The following TXNRD2 variants were observed in gnomAD, a reference collection of about 807,000 sequenced individuals.
The protein encoded by TXNRD2 is thioredoxin reductase 2.
Under a neutral mutation model 70.8 loss-of-function variants are expected in TXNRD2, and 67 were observed. The observed-to-expected ratio is 0.95, with a 90% CI of 0.78 to 1.16. The LOEUF (loss-of-function observed/expected upper bound fraction) is 1.16, where lower values mean the gene tolerates loss of function less well. Ranked by LOEUF, TXNRD2 falls within the 50% of genes most tolerant of loss-of-function variation. TXNRD2 has a pLI of 0.00. For synonymous variants in TXNRD2, 301 were observed against 295.8 expected (o/e 1.02, Z -0.18); for missense variants, 644 against 719.9 (o/e 0.89, Z 1.21).
chr22:19,921,115 A>AAAG (rs1392134353), intron 2 of TXNRD2, among the ~76,000 whole-genome samples: 1 of 141,962 alleles, frequency 7.0e-6, no homozygotes, highest in African/African-American at 3.1e-5. Context: ...TCAAAAAAAA[A>AAAG]AAAAAAAAGC....
chr22:19,934,432 C>T (rs930982664), intron 1 of TXNRD2, among the ~76,000 whole-genome samples: 2 of 150,430 alleles, frequency 1.3e-5, no homozygotes, highest in African/African-American at 4.9e-5. Flanking sequence ...CAGTGGCTCA[C>T]ACCTGTGTTG....
chr22:19,916,322 C>T (rs955202804), intron 5 of TXNRD2: 5 of 171,554 alleles, frequency 2.9e-5, no homozygotes, highest in East Asian at 3.4e-4. Context: ...AAATGACCCA[C>T]GCTTTCTTTT....
intron 14 of TXNRD2, 137 bp downstream of exon 14, chr22:19,880,042 C>T (rs1938691210): frequency 1.1e-6 from 1 of 913,330 alleles, no homozygotes; most frequent in Non-Finnish European, 1.7e-6. Context: ...CGTGTCCCTT[C>T]CCGCTACACA....
chr22:19,884,823 G>A (rs1372748341), intron 11 of TXNRD2, among the ~76,000 whole-genome samples: 1 of 152,216 alleles, frequency 6.6e-6, no homozygotes, highest in Non-Finnish European at 1.5e-5. Flanking sequence ...TAGAGGGCCA[G>A]GTGAGCAGAG....
rs781473800 is a variant in TXNRD2, at chr22:19,931,099, C to T, written c.104-1G>A. 1.9e-6 allele frequency: 3 copies of T among 1,613,212 alleles called. No individual in the cohort carries two copies. The highest frequency in any genetic ancestry group is 2.5e-6 in the Non-Finnish European group (3 of 1,179,964). ...AGGAGATCATAGTCCCGCTGACCTG[C>T]TGAGAGAAGGGATGAGAGGTGGGAC... On this transcript the variant is annotated splice_acceptor_variant, in intron 1 of 17. Transcript: ENST00000400521. LOFTEE classifies it high-confidence loss of function.
intron 1 of TXNRD2, among the ~76,000 whole-genome samples, chr22:19,940,545 G>T (rs544148153): frequency 1.3e-5 from 2 of 152,258 alleles, no homozygotes; most frequent in African/African-American, 4.8e-5. Flanking sequence ...TGCCGTGTCT[G>T]GACTGTGAGT....
In TXNRD2 at chr22:19,878,165, G is replaced by A. The variant is rs1426993648; in HGVS notation, c.1370C>T (p.Pro457Leu). ...YVKMVCLREPPQLVLGLHFLG... is the reference protein window; with the variant it reads ...YVKMVCLREPLQLVLGLHFLG... ...GAAATGCAGGCCCAGCACCAGCTGT[G>A]GGGGCTCCCTCAGGCACACCATCTG... The change falls in exon 16 of 18, where the codon CCA becomes CTA. Residue 457 changes from proline to leucine, a missense_variant. This residue lies in a region of TXNRD2 where 566 missense variants were observed against 645.0 expected (regional missense o/e 0.88). Coordinates refer to ENST00000400521, the MANE Select transcript of TXNRD2 (RefSeq NM_006440.5). 1 of 1,613,116 alleles carries A rather than the reference G, an allele frequency of 6.2e-7. No individual in the cohort carries two copies. The highest frequency in any genetic ancestry group is 2.2e-5 in the East Asian group (1 of 44,894).
At chr22:19,886,684 G>A (rs1939047736) in intron 11 of TXNRD2, among the ~76,000 whole-genome samples, 1 of 152,258 alleles carries the variant, frequency 6.6e-6, no homozygotes, top group Non-Finnish European at 1.5e-5. Context: ...TGCATGTTGT[G>A]CTCAGAGCTT....
intron 11 of TXNRD2, among the ~76,000 whole-genome samples, chr22:19,886,153 A>G (rs1435985420): frequency 1.3e-5 from 2 of 152,220 alleles, no homozygotes; most frequent in African/African-American, 4.8e-5. Context: ...GGCCTGTGGC[A>G]GGCAGCAGGC....
chr22:19,878,414 T>C lies in TXNRD2; in HGVS notation c.1299A>G (p.Pro433=). The change falls in exon 15 of 18, where the codon CCA becomes CCG. Residue 433 remains proline (P), a synonymous_variant. Coordinates refer to ENST00000400521, the MANE Select transcript of TXNRD2 (RefSeq NM_006440.5). ...CTCGTCCAGCCACCGTGAACTCCAG[T>C]GGTTTATAATGGGCGTGATAGACCT... The part of the protein sequence containing the change: ...HVEVYHAHYK[P]LEFTVAGRDA... 6.2e-7 allele frequency: 1 copy of C among 1,613,444 alleles called. No homozygotes were observed. Among genetic ancestry groups the C allele is most frequent in the South Asian group, 1.1e-5 (1 of 91,054 alleles).
At chr22:19,905,592 C>G (rs1601426638) in intron 8 of TXNRD2, among the ~76,000 whole-genome samples, 1 of 152,154 alleles carries the variant, frequency 6.6e-6, no homozygotes, top group African/African-American at 2.4e-5. Flanking sequence ...GCTGCAGTGA[C>G]CGTCACCGAA....
chr22:19,904,799 G>C (rs737863), intron 8 of TXNRD2, among the ~76,000 whole-genome samples: 35,797 of 152,074 alleles, frequency 0.24, 5,980 homozygotes, highest in African/African-American at 0.47. Flanking sequence ...GCCAGGCACC[G>C]TGAGTTGCGC....
At chr22:19,918,064 T>G in intron 5 of TXNRD2, 79 bp downstream of exon 5, 1 of 1,231,288 alleles carries the variant, frequency 8.1e-7, no homozygotes, top group Non-Finnish European at 1.2e-6. Context: ...CTCTGCACAG[T>G]AAGTAAGTGT....
At position 19,895,493 on chromosome 22, in the gene TXNRD2, G is replaced by A; in HGVS notation, c.863C>T (p.Pro288Leu). ...GCAPSRVRRL[P>L]DGQLQVTWED... ...CCAGGTGACCTGCAGCTGGCCATCA[G>A]GGAGCCTCCTGACCCGCGAGGGGGC... is the stretch of plus-strand genomic sequence containing the variant. Residue 288 changes from proline (P) to leucine (L), a missense_variant, in exon 11 of 18, where the codon CCT becomes CTT. Around this residue, in one of 3 missense-constraint regions of TXNRD2, gnomAD observed 566 missense variants for 645.0 expected, o/e 0.88. Transcript: ENST00000400521. The A allele has an allele frequency of 6.2e-7, 1 of 1,613,954 alleles. No homozygotes were observed. Among genetic ancestry groups the A allele is most frequent in the Non-Finnish European group, 8.5e-7 (1 of 1,180,024 alleles).
At chr22:19,891,925 G>A (rs545138649) in intron 11 of TXNRD2, among the ~76,000 whole-genome samples, 12 of 152,366 alleles carry the variant, frequency 7.9e-5, no homozygotes, top group African/African-American at 2.6e-4. Context: ...GGCCCACTTC[G>A]CAATGCCAAT....
At chr22:19,935,449 G>C (rs1437157075) in intron 1 of TXNRD2, among the ~76,000 whole-genome samples, 2 of 152,182 alleles carry the variant, frequency 1.3e-5, no homozygotes, top group African/African-American at 4.8e-5. Flanking sequence ...GCTGAACATA[G>C]ACCCTTATCA....
In TXNRD2 at chr22:19,895,063, C is replaced by T. The variant is rs1419086216; in HGVS notation, c.949+344G>A. 1.9e-6 allele frequency: 3 copies of T among 1,587,760 alleles called. No individual in the cohort carries two copies. In the Admixed American group the frequency reaches 5.2e-5, roughly 28 times the overall value. ...GTGCTGAAACCTTAATAAGCAATTG[C>T]TCAAGGGCCAGGGAAGGCGAGGATG... is the stretch of plus-strand genomic sequence containing the variant. On this transcript the variant is annotated intron_variant, in intron 11 of 17. Transcript: ENST00000400521.
rs140203826 is a variant in TXNRD2 at position 19,905,187 on chromosome 22, T to C, written c.663-6119A>G. Among the ~76,000 whole-genome samples, 410 of 152,286 alleles carry C rather than the reference T, an allele frequency of 2.7e-3. 3 individuals carry two copies. Among genetic ancestry groups the C allele is most frequent in the African/African-American group, 9.5e-3 (394 of 41,544 alleles). On this transcript the variant is annotated intron_variant, in intron 8 of 17. Coordinates refer to ENST00000400521, the MANE Select transcript of TXNRD2 (RefSeq NM_006440.5). ...CACAGAAGCATCGTACAGGGATATA[T>C]CTCCAGCTTAATTTTTAAAAAAACC...
chr22:19,929,203 T>C (rs1250641516), intron 2 of TXNRD2, among the ~76,000 whole-genome samples: 3 of 151,310 alleles, frequency 2.0e-5, no homozygotes, highest in Non-Finnish European at 4.4e-5. Context: ...GGTGGGCGCC[T>C]GTAGTCCCAG....
Sources: gnomAD v4.1 joint callset for allele counts (sites outside exome capture counted in the v4.1 genomes callset) on GRCh38, gnomAD v4.1.1 for gene constraint, gnomAD v4.1.1 regional missense constraint, MANE v1.5 for transcripts, NCBI Gene and HGNC (gene_info 2026-07-23, HGNC 2026-07-21) for gene names.